Variants in PRORP observed in about 807,000 individuals in gnomAD.
PRORP encodes mitochondrial ribonuclease P catalytic subunit.
A neutral mutation model predicts 59.4 loss-of-function variants in PRORP; 51 were observed. The observed-to-expected ratio is 0.86, with a 90% CI of 0.69 to 1.08. The LOEUF (loss-of-function observed/expected upper bound fraction) is 1.08. Ranked by LOEUF, PRORP falls within the 50% of genes least tolerant of loss-of-function variation. The probability of loss-of-function intolerance (pLI) is 0.00; values close to 1 mark genes in which losing one functional copy is unlikely to be tolerated. For missense variants in PRORP, 646 were observed against 690.3 expected, an observed-to-expected ratio of 0.94 and a Z score of 0.72; for synonymous variants, 231 against 245.6, an observed-to-expected ratio of 0.94 and a Z score of 0.55.
In PRORP at chr14:35,271,372, T is replaced by C. The variant is rs140182276; in HGVS notation, c.1620+776T>C. On this transcript the variant is annotated intron_variant, in intron 7 of 7. Coordinates refer to ENST00000534898, the MANE Select transcript of PRORP (RefSeq NM_014672.4). ...TGGGGTTTCACCATGTTGGTCAGGC[T>C]GGTCTTGAACTCCTGAGCTCATAAT... 8.8e-3 allele frequency among the ~76,000 whole-genome samples: 1,340 copies of C among 151,990 alleles called. 16 individuals are homozygous for C. Among genetic ancestry groups the C allele is most frequent in the African/African-American group, 0.03 (1,248 of 41,508 alleles).
At chr14:35,144,754 A>G (rs2047564378) in intron 4 of PRORP, among the ~76,000 whole-genome samples, 1 of 145,946 alleles carries the variant, frequency 6.9e-6, no homozygotes, top group Non-Finnish European at 1.5e-5. Flanking sequence ...TTAACTTTGC[A>G]GATCCCCTGA....
chr14:35,124,079 G>A lies in PRORP; in HGVS notation c.834G>A (p.Met278Ile), dbSNP rs2047024296. ...QELLGHDIVP[M>I]LETLKAFFDF... ...TGCTAGGTCATGATATTGTTCCTAT[G>A]TTGGAAACTTTAAAAGCTTTCTTTG... The change falls in exon 2 of 8, where the codon ATG becomes ATA. Residue 278 changes from methionine to isoleucine, a missense_variant. Transcript: ENST00000534898. The A allele has an allele frequency of 1.2e-6, 2 of 1,613,700 alleles. No homozygotes were observed. Among genetic ancestry groups the A allele is most frequent in the South Asian group, 1.1e-5 (1 of 91,038 alleles).
intron 5 of PRORP, among the ~76,000 whole-genome samples, chr14:35,186,616 GACAGGT>G: frequency 6.7e-6 from 1 of 148,668 alleles, no homozygotes; most frequent in Non-Finnish European, 1.5e-5. Flanking sequence ...TTTCTTTTGA[GACAGGT>G]ACTTGTGTTG....
At position 35,166,025 on chromosome 14, in the gene PRORP, A is replaced by T. The variant is rs183439809; in HGVS notation, c.1168-14645A>T. ...TCTCGGGGAAGTTATATTTTTTTTA[A>T]AAAAAAGATTCTTCTTCTTTTTGTT... On this transcript the variant is annotated intron_variant, in intron 4 of 7. Coordinates refer to ENST00000534898, the MANE Select transcript of PRORP (RefSeq NM_014672.4). Among the ~76,000 whole-genome samples the T allele has an allele frequency of 2.0e-4, 31 of 151,958 alleles. No individual in the cohort carries two copies. In the East Asian group the frequency reaches 3.7e-3, roughly 18 times the overall value.
intron 5 of PRORP, among the ~76,000 whole-genome samples, chr14:35,221,444 T>C (rs992281498): frequency 1.3e-5 from 2 of 152,214 alleles, no homozygotes; most frequent in African/African-American, 4.8e-5. Flanking sequence ...AATTTTTCTA[T>C]TGTATTTCAA....
chr14:35,201,919 A>G (rs1173962841), intron 5 of PRORP, among the ~76,000 whole-genome samples: 1 of 151,104 alleles, frequency 6.6e-6, no homozygotes, highest in Non-Finnish European at 1.5e-5. Context: ...GGGCCTCCCA[A>G]GGTGCTGGGA....
chr14:35,259,471 C>T (rs1473560982), intron 5 of PRORP, among the ~76,000 whole-genome samples: 1 of 152,006 alleles, frequency 6.6e-6, no homozygotes, highest in Non-Finnish European at 1.5e-5. Context: ...TATGTTAGGG[C>T]TTATATTTGC....
chr14:35,141,210 T>G (rs2047472753), intron 4 of PRORP, among the ~76,000 whole-genome samples: 1 of 145,380 alleles, frequency 6.9e-6, no homozygotes. Context: ...TAATTAGGTT[T>G]TTTTCTTATT....
At position 35,127,398 on chromosome 14, in the gene PRORP, C is replaced by T. The variant is rs1338155805; in HGVS notation, c.1035-81C>T. On this transcript the variant is annotated intron_variant, in intron 3 of 7. Coordinates refer to ENST00000534898, the MANE Select transcript of PRORP (RefSeq NM_014672.4). ...CTTTTTTATTACCTTTTAATTTCCT[C>T]ATTGTTCATTTCACAAATTTTTTTC... 4 of 1,001,322 alleles carry T rather than the reference C, an allele frequency of 4.0e-6. No homozygotes were observed. In the East Asian group the frequency reaches 8.9e-5, roughly 22 times the overall value. The allele number at this position is 1,001,322 out of a possible 1,614,324, so 62.0% of individuals were successfully genotyped here. A position where few individuals can be genotyped will look rare whatever the true frequency, so the allele number is the denominator to read the frequency against.
In PRORP at chr14:35,276,110, C is replaced by G. The variant is rs777525259; in HGVS notation, c.*2544C>G. The G allele has an allele frequency of 5.3e-5, 8 of 152,304 alleles. No homozygotes were observed. Among genetic ancestry groups the G allele is most frequent in the Non-Finnish European group, 8.8e-5 (6 of 68,164 alleles). The allele number at this position is 152,304 out of a possible 1,614,324, so 9.4% of individuals were successfully genotyped here. Reference sequence around the variant, plus strand: ...ATTGCTTGAAGCCAGGAGTTGGAGACCAGCCTAGGCAACACAGGGAGACCC... The same window carrying G: ...ATTGCTTGAAGCCAGGAGTTGGAGAGCAGCCTAGGCAACACAGGGAGACCC... On this transcript the variant is annotated 3_prime_UTR_variant, in exon 8 of 8. Transcript: ENST00000534898.
intron 4 of PRORP, among the ~76,000 whole-genome samples, chr14:35,159,380 G>A (rs2048003525): frequency 6.6e-6 from 1 of 151,988 alleles, no homozygotes; most frequent in Non-Finnish European, 1.5e-5. Flanking sequence ...GACTATCTCA[G>A]TCCCTTTTCT....
At chr14:35,126,360 C>T (rs1382299538) in intron 2 of PRORP, among the ~76,000 whole-genome samples, 1 of 152,192 alleles carries the variant, frequency 6.6e-6, no homozygotes, top group Non-Finnish European at 1.5e-5. Flanking sequence ...TACAGTACCA[C>T]ACAGTGAAAT....
At chr14:35,125,512 A>G (rs549350120) in intron 2 of PRORP, among the ~76,000 whole-genome samples, 17 of 152,278 alleles carry the variant, frequency 1.1e-4, no homozygotes, top group African/African-American at 3.9e-4. Context: ...GTGAGCCACC[A>G]TGCTTAGTCA....
chr14:35,212,519 C>T (rs766125506), intron 5 of PRORP, among the ~76,000 whole-genome samples: 7 of 152,278 alleles, frequency 4.6e-5, no homozygotes, highest in South Asian at 2.1e-4. Context: ...CATTCATCTC[C>T]TTGTATATCT....
At chr14:35,181,783 C>CCAAAAAAAAAAAAAAAAAAAA (rs534136447) in intron 5 of PRORP, among the ~76,000 whole-genome samples, 2 of 109,400 alleles carry the variant, frequency 1.8e-5, no homozygotes, top group African/African-American at 3.8e-5. Context: ...AAAACTGTCT[C>CCAAAAAAAAAAAAAAAAAAAA]AAAAAAAAAA....
chr14:35,224,090 G>A (rs1412478195), intron 5 of PRORP, among the ~76,000 whole-genome samples: 1 of 152,124 alleles, frequency 6.6e-6, no homozygotes, highest in African/African-American at 2.4e-5. Flanking sequence ...AACACTTAAG[G>A]AACCTGAGCA....
intron 4 of PRORP, among the ~76,000 whole-genome samples, chr14:35,146,486 A>G (rs2047613757): frequency 6.6e-6 from 1 of 152,036 alleles, no homozygotes; most frequent in South Asian, 2.1e-4. Context: ...ATGTGAACTG[A>G]GCTCTTTATC....
intron 4 of PRORP, among the ~76,000 whole-genome samples, chr14:35,145,451 G>T (rs1333802732): frequency 7.0e-6 from 1 of 143,864 alleles, no homozygotes; most frequent in African/African-American, 2.4e-5. Flanking sequence ...GCCGGGCGCA[G>T]TGGCTCACGC....
At chr14:35,234,198 T>C (rs1038035164) in intron 5 of PRORP, among the ~76,000 whole-genome samples, 1 of 152,198 alleles carries the variant, frequency 6.6e-6, no homozygotes, top group African/African-American at 2.4e-5. Flanking sequence ...GTCATTGTAG[T>C]TGAAATCAGA....
Sources: gnomAD v4.1 joint callset for allele counts (sites outside exome capture counted in the v4.1 genomes callset) on GRCh38, gnomAD v4.1.1 for gene constraint, MANE v1.5 for transcripts, NCBI Gene and HGNC (gene_info 2026-07-23, HGNC 2026-07-21) for gene names.